BMS1: variants seen among roughly 807,000 people sequenced by gnomAD.
BMS1 encodes ribosome biogenesis protein BMS1 homolog.
In BMS1, 53 loss-of-function variants were observed where a neutral mutation model predicts 138.7. That is an observed-to-expected ratio of 0.38 (90% CI 0.31 to 0.48). The LOEUF (loss-of-function observed/expected upper bound fraction) is 0.48, where lower values mean the gene tolerates loss of function less well. Ranked by LOEUF, BMS1 falls within the 20% of genes least tolerant of loss-of-function variation. The probability of loss-of-function intolerance (pLI) is 0.97; values close to 1 mark genes in which losing one functional copy is unlikely to be tolerated. For synonymous variants in BMS1, 504 were observed against 539.9 expected, an observed-to-expected ratio of 0.93 and a Z score of 0.92; for missense variants, 1,360 against 1,565.5, an observed-to-expected ratio of 0.87 and a Z score of 2.22.
intron 8 of BMS1, among the ~76,000 whole-genome samples, chr10:42,793,518 A>G (rs1841579198): frequency 6.6e-6 from 1 of 151,948 alleles, no homozygotes; most frequent in South Asian, 2.1e-4. Flanking sequence ...TCAAATATTT[A>G]TTTCTTTGTT....
intron 19 of BMS1, among the ~76,000 whole-genome samples, chr10:42,822,864 C>G (rs985608208): frequency 6.6e-6 from 1 of 152,216 alleles, no homozygotes; most frequent in Non-Finnish European, 1.5e-5. Flanking sequence ...AATCCCTCTT[C>G]GATCTTCTCT....
At chr10:42,817,998 G>A (rs1842399630) in intron 15 of BMS1, among the ~76,000 whole-genome samples, 1 of 152,200 alleles carries the variant, frequency 6.6e-6, no homozygotes, top group African/African-American at 2.4e-5. Context: ...AAGGGAGATG[G>A]TGTGGCCCTC....
intron 15 of BMS1, among the ~76,000 whole-genome samples, chr10:42,818,745 G>C (rs904017218): frequency 6.6e-6 from 1 of 152,172 alleles, no homozygotes; most frequent in African/African-American, 2.4e-5. Flanking sequence ...TCAGCATGTA[G>C]ATGCCACTTA....
Position 42,833,899 on chromosome 10 carries a change from G to A in BMS1, c.*2803G>A, listed in dbSNP as rs970330034. The A allele has an allele frequency of 2.6e-5, 4 of 152,198 alleles. No homozygotes were observed. The highest frequency in any genetic ancestry group is 5.9e-5 in the Non-Finnish European group (4 of 68,036). The allele number at this position is 152,198 out of a possible 1,614,324, so 9.4% of individuals were successfully genotyped here. A position where few individuals can be genotyped will look rare whatever the true frequency, so the allele number is the denominator to read the frequency against. ...GGGTTGTTCACCTTGTTGGCACTTGGAGTAGAGCCACTGAGCTTCGTGCTG... is the reference window on the plus strand; with the variant it reads ...GGGTTGTTCACCTTGTTGGCACTTGAAGTAGAGCCACTGAGCTTCGTGCTG... On this transcript the variant is annotated 3_prime_UTR_variant, in exon 23 of 23. Transcript: ENST00000374518.
chr10:42,823,089 T>C (rs780597860), intron 19 of BMS1, 29 bp from the exon 20 acceptor site: 2 of 1,488,022 alleles, frequency 1.3e-6, no homozygotes, highest in East Asian at 4.9e-5. Flanking sequence ...ATTTTGTGTG[T>C]GTGTGTTTTT....
chr10:42,801,424 T>G (rs1270448046), intron 12 of BMS1, among the ~76,000 whole-genome samples: 1 of 152,250 alleles, frequency 6.6e-6, no homozygotes, highest in Non-Finnish European at 1.5e-5. Flanking sequence ...GTCTCATTTC[T>G]CTTTTCAAAA....
intron 9 of BMS1, 84 bp from the exon 10 acceptor site, chr10:42,796,390 G>A (rs970891535): frequency 3.0e-6 from 4 of 1,352,640 alleles, no homozygotes; most frequent in Non-Finnish European, 4.0e-6. Flanking sequence ...CTATTTCTTT[G>A]TATTTTCATT....
chr10:42,817,930 A>G (rs933875252), intron 15 of BMS1, among the ~76,000 whole-genome samples: 1 of 152,042 alleles, frequency 6.6e-6, no homozygotes, highest in African/African-American at 2.4e-5. Flanking sequence ...TGCTCTGAAA[A>G]CTCATCCTGG....
At chr10:42,813,007 A>G (rs1225411597) in intron 13 of BMS1, among the ~76,000 whole-genome samples, 2 of 152,220 alleles carry the variant, frequency 1.3e-5, no homozygotes, top group Non-Finnish European at 2.9e-5. Context: ...TCCAGGCAGC[A>G]TAGGAAATTT....
intron 14 of BMS1, among the ~76,000 whole-genome samples, chr10:42,817,115 A>G (rs891516076): frequency 2.0e-5 from 3 of 152,212 alleles, no homozygotes; most frequent in African/African-American, 7.2e-5. Flanking sequence ...ATTAGCAGCT[A>G]ATTGTAATGC....
chr10:42,833,409 A>G lies in BMS1; in HGVS notation c.*2313A>G, dbSNP rs188893120. The G allele has an allele frequency of 1.3e-5, 2 of 152,340 alleles. No homozygotes were observed. Among genetic ancestry groups the G allele is most frequent in the African/African-American group, 4.8e-5 (2 of 41,582 alleles). The allele number at this position is 152,340 out of a possible 1,614,324, so 9.4% of individuals were successfully genotyped here. On this transcript the variant is annotated 3_prime_UTR_variant, in exon 23 of 23. Transcript: ENST00000374518. ...GGGGATATATTCTGAGAAATGTATC[A>G]TTAGGCAATTTTGTCATTGTGTAAA...
rs1842809144 is a variant in BMS1, at chr10:42,831,971, A to C, written c.*875A>C. On this transcript the variant is annotated 3_prime_UTR_variant, in exon 23 of 23. Transcript: ENST00000374518. ...TCCTATACGATGTAATCATAGATTC[A>C]CATATAGTTGTATATTTTGCCCAAT... 1 of 152,176 alleles carries C rather than the reference A, an allele frequency of 6.6e-6. No individual in the cohort carries two copies. Among genetic ancestry groups the C allele is most frequent in the African/African-American group, 2.4e-5 (1 of 41,444 alleles). 9.4% of individuals were successfully genotyped at this position (152,176 alleles called of 1,614,324 possible).
In BMS1 at chr10:42,797,130, T is replaced by G; in HGVS notation, c.1886T>G (p.Leu629Arg). 6.2e-7 allele frequency: 1 copy of G among 1,614,176 alleles called. No individual in the cohort carries two copies. Among genetic ancestry groups the G allele is most frequent in the Non-Finnish European group, 8.5e-7 (1 of 1,180,032 alleles). ...KPSQVSSGQKLGPQNFIDETS... is the reference protein window; with the variant it reads ...KPSQVSSGQKRGPQNFIDETS... Reference sequence around the variant, plus strand: ...TCTCAAGTGAGCAGTGGTCAGAAACTGGGGCCACAGAACTTCATTGATGAG... The same window carrying G: ...TCTCAAGTGAGCAGTGGTCAGAAACGGGGGCCACAGAACTTCATTGATGAG... Residue 629 changes from leucine to arginine, a missense_variant, in exon 10 of 23, where the codon CTG becomes CGG. This residue lies in a region of BMS1 where 697 missense variants were observed against 686.2 expected (regional missense o/e 1.02). Transcript: ENST00000374518.
chr10:42,825,254 G>A (rs1218331715), intron 21 of BMS1, among the ~76,000 whole-genome samples: 13 of 152,138 alleles, frequency 8.5e-5, no homozygotes, highest in African/African-American at 2.4e-4. Context: ...TGATCTGCCC[G>A]CTGTGGTCTC....
In BMS1 at chr10:42,796,912, C is replaced by G. The variant is rs1345075896; in HGVS notation, c.1668C>G (p.Cys556Trp). 2 of 1,614,036 alleles carry G rather than the reference C, an allele frequency of 1.2e-6. No individual in the cohort carries two copies. Among genetic ancestry groups the G allele is most frequent in the Admixed American group, 1.7e-5 (1 of 59,996 alleles). ...GSKAGLSPAN[C>W]QSDRVNLEKS... is the part of the protein sequence containing the mutation. ...AAGCAGGGCTGTCACCAGCTAATTG[C>G]CAGAGTGACCGTGTGAATCTGGAGA... The change falls in exon 10 of 23, where the codon TGC (cysteine) becomes TGG (tryptophan). Residue 556 changes from cysteine (C) to tryptophan (W), a missense_variant. By Grantham distance (215) the Cys-to-Trp change is radical. This residue lies in a region of BMS1 where 697 missense variants were observed against 686.2 expected (regional missense o/e 1.02). Coordinates refer to ENST00000374518, the MANE Select transcript of BMS1 (RefSeq NM_014753.4).
At chr10:42,790,655 C>T (rs1451442792) in intron 5 of BMS1, 144 bp downstream of exon 5, 21 of 927,438 alleles carry the variant, frequency 2.3e-5, no homozygotes, top group Non-Finnish European at 3.3e-5. Flanking sequence ...GAGTTTTGAG[C>T]TCAGGGCAAC....
chr10:42,830,064 G>A (rs546044792), intron 21 of BMS1, among the ~76,000 whole-genome samples, 197 bp from the exon 22 acceptor site: 27 of 152,074 alleles, frequency 1.8e-4, no homozygotes, highest in Admixed American at 1.3e-4. Flanking sequence ...CTGTTCCTCT[G>A]TTTACTGAGA....
chr10:42,783,059 C>T (rs1176960468), intron 1 of BMS1, among the ~76,000 whole-genome samples: 6 of 152,118 alleles, frequency 3.9e-5, no homozygotes, highest in Non-Finnish European at 7.3e-5. Context: ...GGCTGGGCGA[C>T]GTCGTTTCCT....
chr10:42,787,266 C>A lies in BMS1; in HGVS notation c.447+19C>A. On this transcript the variant is annotated intron_variant, in intron 4 of 22. Transcript: ENST00000374518. ...AGATCTGGTAAGTGAGCAGGGGCAG[C>A]CTGGGGTGCTGATGGAGACTTACAG... 3 of 914,354 alleles carry A rather than the reference C, an allele frequency of 3.3e-6. No individual in the cohort carries two copies. Among genetic ancestry groups the A allele is most frequent in the Non-Finnish European group, 5.3e-6 (3 of 570,074 alleles). 56.6% of individuals were successfully genotyped at this position (914,354 alleles called of 1,614,324 possible).
Sources: allele counts gnomAD v4.1 joint callset (sites outside exome capture counted in the v4.1 genomes callset), GRCh38; gene constraint gnomAD v4.1.1; regional missense constraint gnomAD v4.1.1; transcripts MANE v1.5; gene names NCBI Gene and HGNC (gene_info 2026-07-23, HGNC 2026-07-21).